AGBL4: variants seen among roughly 807,000 people sequenced by gnomAD.
AGBL4 encodes cytosolic carboxypeptidase 6.
AGBL4 carries 58 observed loss-of-function variants against 66.4 expected under a neutral mutation model. That is an observed-to-expected ratio of 0.87 (90% CI 0.71 to 1.09). AGBL4 has a LOEUF of 1.09. Among genes scored for constraint, AGBL4 ranks in the 50% least tolerant of loss-of-function variants. AGBL4 has a pLI of 0.00. For synonymous variants in AGBL4, 234 were observed against 222.9 expected, an observed-to-expected ratio of 1.05 and a Z score of -0.44; for missense variants, 579 against 631.0, an observed-to-expected ratio of 0.92 and a Z score of 0.88.
At chr1:49,854,421 C>T (rs934628857) in intron 1 of AGBL4, among the ~76,000 whole-genome samples, 2 of 152,098 alleles carry the variant, frequency 1.3e-5, no homozygotes, top group African/African-American at 4.8e-5. Context: ...GCTGCACATT[C>T]CCATCACAGA....
Position 49,770,347 on chromosome 1 carries a change from CA to C in AGBL4, c.158-72911del, listed in dbSNP as rs1644019246. 3.3e-5 allele frequency among the ~76,000 whole-genome samples: 5 copies of C among 152,140 alleles called. No homozygotes were observed. The South Asian group carries it at 1.0e-3, about 32-fold the overall frequency. ...ATTTATTGATTTGCATATGTTGAAC[CA>C]TCTTGTATCCCAGGGATGATTCCCA... On this transcript the variant is annotated intron_variant, in intron 2 of 13. Transcript: ENST00000371839.
intron 4 of AGBL4, among the ~76,000 whole-genome samples, chr1:49,156,510 G>C (rs1646433231): frequency 6.6e-6 from 1 of 152,130 alleles, no homozygotes; most frequent in African/African-American, 2.4e-5. Context: ...TCATCAAGCT[G>C]TAGCGCTATA....
intron 3 of AGBL4, among the ~76,000 whole-genome samples, chr1:49,433,831 C>T (rs1483168517): frequency 6.6e-6 from 1 of 152,100 alleles, no homozygotes; most frequent in Admixed American, 6.6e-5. Flanking sequence ...TAGAGAAATG[C>T]TTGACATGGT....
At chr1:49,045,496 AT>A (rs1208370777) in intron 5 of AGBL4, 87 bp downstream of exon 5, 1 of 1,108,476 alleles carries the variant, frequency 9.0e-7, no homozygotes, top group African/African-American at 1.6e-5. Flanking sequence ...AGTATTCATT[AT>A]TTGCATTGCA....
intron 3 of AGBL4, among the ~76,000 whole-genome samples, chr1:49,687,791 A>T (rs1338776038): frequency 6.6e-6 from 1 of 152,084 alleles, no homozygotes; most frequent in African/African-American, 2.4e-5. Flanking sequence ...ATAAAAAAAA[A>T]ATTAAAAAAA....
intron 3 of AGBL4, among the ~76,000 whole-genome samples, chr1:49,548,377 T>G (rs1415522861): frequency 6.6e-6 from 1 of 152,134 alleles, no homozygotes; most frequent in African/African-American, 2.4e-5. Flanking sequence ...CCTTGTCTTG[T>G]TCCAGAGGGA....
chr1:49,960,958 A>C lies in AGBL4; in HGVS notation c.34+62805T>G, dbSNP rs1369454925. Among the ~76,000 whole-genome samples, 3 of 152,170 alleles carry C rather than the reference A, an allele frequency of 2.0e-5. No individual in the cohort carries two copies. The East Asian group carries it at 5.8e-4, about 29-fold the overall frequency. ...TATCTGTGAGCCACACTCAGTATTT[A>C]ATAGAGTGTAAAGTTCAAAATGAAA... On this transcript the variant is annotated intron_variant, in intron 1 of 13. Transcript: ENST00000371839.
intron 5 of AGBL4, among the ~76,000 whole-genome samples, chr1:48,994,141 C>T (rs1414349308): frequency 6.6e-6 from 1 of 152,122 alleles, no homozygotes; most frequent in East Asian, 1.9e-4. Flanking sequence ...ACTTCTTTCC[C>T]ACCTGTATTC....
chr1:49,252,604 G>A (rs1348356205), intron 3 of AGBL4, among the ~76,000 whole-genome samples: 1 of 152,116 alleles, frequency 6.6e-6, no homozygotes, highest in Admixed American at 6.5e-5. Context: ...AAGACATGTA[G>A]TCATCAGATC....
intron 11 of AGBL4, chr1:48,585,097 A>C (rs1219862939): frequency 7.9e-5 from 12 of 152,170 alleles, no homozygotes; most frequent in Non-Finnish European, 1.2e-4. Context: ...TGCTGTGTTT[A>C]CTTTTGATAA....
At chr1:49,783,594 G>A (rs1292098327) in intron 2 of AGBL4, among the ~76,000 whole-genome samples, 1 of 152,190 alleles carries the variant, frequency 6.6e-6, no homozygotes, top group African/African-American at 2.4e-5. Context: ...TCACAAACAA[G>A]ATAAGGATGT....
intron 3 of AGBL4, among the ~76,000 whole-genome samples, chr1:49,516,484 C>T (rs955202170): frequency 2.0e-5 from 3 of 152,036 alleles, no homozygotes; most frequent in African/African-American, 7.2e-5. Context: ...AACATCATTG[C>T]ATGTACAGCA....
intron 3 of AGBL4, among the ~76,000 whole-genome samples, chr1:49,279,644 A>C (rs1644237617): frequency 6.6e-6 from 1 of 151,916 alleles, no homozygotes; most frequent in South Asian, 2.1e-4. Flanking sequence ...CAATTTTCCC[A>C]CTTCTAAAAT....
At chr1:48,568,982 T>G (rs1207984656) in intron 11 of AGBL4, among the ~76,000 whole-genome samples, 1 of 152,202 alleles carries the variant, frequency 6.6e-6, no homozygotes, top group Non-Finnish European at 1.5e-5. Context: ...GCTCAGAAAC[T>G]TTTTGTTAAA....
At chr1:48,655,001 A>G (rs968741841) in intron 7 of AGBL4, among the ~76,000 whole-genome samples, 2 of 152,212 alleles carry the variant, frequency 1.3e-5, no homozygotes, top group African/African-American at 4.8e-5. Context: ...GCGGCCCTCC[A>G]TCAAGGAGCC....
At chr1:49,306,332 G>A (rs1209100243) in intron 3 of AGBL4, among the ~76,000 whole-genome samples, 1 of 152,164 alleles carries the variant, frequency 6.6e-6, no homozygotes, top group African/African-American at 2.4e-5. Flanking sequence ...AGAAAAGTGG[G>A]ATTTATTATA....
At chr1:49,563,955 A>T (rs1249402798) in intron 3 of AGBL4, among the ~76,000 whole-genome samples, 2 of 152,072 alleles carry the variant, frequency 1.3e-5, no homozygotes, top group South Asian at 4.1e-4. Flanking sequence ...TTTTCTGGTT[A>T]GTAAGCTATT....
intron 9 of AGBL4, among the ~76,000 whole-genome samples, chr1:48,602,052 T>G (rs1175907787): frequency 1.3e-5 from 2 of 152,120 alleles, no homozygotes; most frequent in Admixed American, 1.3e-4. Flanking sequence ...CAAAGGCTGA[T>G]AAAACTAGGG....
At position 50,023,873 on chromosome 1, in the gene AGBL4, G is replaced by A; in HGVS notation, c.-77C>T. 1 of 1,479,192 alleles carries A rather than the reference G, an allele frequency of 6.8e-7. No homozygotes were observed. The highest frequency in any genetic ancestry group is 9.1e-7 in the Non-Finnish European group (1 of 1,099,734). The allele number at this position is 1,479,192 out of a possible 1,614,324, so 91.6% of individuals were successfully genotyped here. On this transcript the variant is annotated 5_prime_UTR_variant, in exon 1 of 14. Transcript: ENST00000371839. Reference sequence around the variant, plus strand: ...GAGCGGGTGGTGGGATCAGTGGGCTGACAGGAGCTACCTCAGGAAGACGCG... The same window carrying A: ...GAGCGGGTGGTGGGATCAGTGGGCTAACAGGAGCTACCTCAGGAAGACGCG...
Sources: allele counts gnomAD v4.1 joint callset (sites outside exome capture counted in the v4.1 genomes callset), GRCh38; gene constraint gnomAD v4.1.1; transcripts MANE v1.5; gene names NCBI Gene and HGNC (gene_info 2026-07-23, HGNC 2026-07-21).